TRPM8: variants seen among roughly 807,000 people sequenced by gnomAD.
TRPM8 encodes the protein TRPM8 cationic channel.
Under a neutral mutation model 133.7 loss-of-function variants are expected in TRPM8, and 110 were observed. The observed-to-expected ratio is 0.82, with a 90% CI of 0.70 to 0.96. TRPM8 has a LOEUF of 0.96. TRPM8 is among the 40% of genes least tolerant of loss of function. The pLI is 0.00. For missense variants in TRPM8, 1,291 were observed against 1,379.5 expected, an observed-to-expected ratio of 0.94 and a Z score of 1.02; for synonymous variants, 535 against 532.3, an observed-to-expected ratio of 1.01 and a Z score of -0.07.
Position 233,926,659 on chromosome 2 carries a change from G to A in TRPM8, c.117+5G>A. 1 of 1,605,616 alleles carries A rather than the reference G, an allele frequency of 6.2e-7. No homozygotes were observed. The highest frequency in any genetic ancestry group is 8.5e-7 in the Non-Finnish European group (1 of 1,172,280). On this transcript the variant is annotated splice_donor_5th_base_variant and intron_variant, in intron 2 of 25. Coordinates refer to ENST00000324695, the MANE Select transcript of TRPM8 (RefSeq NM_024080.5). ...GACTTGTCTTACAGTGAAAGCGTAAGTCATGCGCATCACCTGTTTGAAAGG... is the reference window on the plus strand; with the variant it reads ...GACTTGTCTTACAGTGAAAGCGTAAATCATGCGCATCACCTGTTTGAAAGG...
At chr2:233,918,421 A>G (rs1186672131) in intron 1 of TRPM8, among the ~76,000 whole-genome samples, 7 of 151,938 alleles carry the variant, frequency 4.6e-5, no homozygotes, top group Non-Finnish European at 1.0e-4. Context: ...TTGCCTAAGA[A>G]CTGATATCAT....
Position 233,929,003 on chromosome 2 carries a change from TTTTTTA to T in TRPM8, c.118-1659_118-1654del, listed in dbSNP as rs1430640974. ...TTTTTTGTGAGTTTCTTTTCTTTTT[TTTTTTA>T]TTTTTTTGCTCAAAACTGTTTTTGA... On this transcript the variant is annotated intron_variant, in intron 2 of 25. Coordinates refer to ENST00000324695, the MANE Select transcript of TRPM8 (RefSeq NM_024080.5). Among the ~76,000 whole-genome samples, 763 of 136,368 alleles carry T rather than the reference TTTTTTA, an allele frequency of 5.6e-3. 10 individuals are homozygous for T. The highest frequency in any genetic ancestry group is 0.021 in the African/African-American group (724 of 34,822). The allele number at this position is 136,368 out of a possible 152,430, so 89.5% of individuals were successfully genotyped here. A position where few individuals can be genotyped will look rare whatever the true frequency, so the allele number is the denominator to read the frequency against.
At chr2:233,957,522 A>G (rs768925350) in intron 11 of TRPM8, among the ~76,000 whole-genome samples, 8 of 152,190 alleles carry the variant, frequency 5.3e-5, no homozygotes, top group Non-Finnish European at 1.0e-4. Flanking sequence ...AAAACCCAAA[A>G]AACAAAAAAA....
chr2:233,959,770 G>T (rs1372141882), intron 11 of TRPM8, among the ~76,000 whole-genome samples: 1 of 151,902 alleles, frequency 6.6e-6, no homozygotes, highest in Non-Finnish European at 1.5e-5. Flanking sequence ...ACTGGGTTGT[G>T]TCTGAAGTAA....
At chr2:233,950,874 C>T (rs1407128117) in intron 9 of TRPM8, among the ~76,000 whole-genome samples, 1 of 152,202 alleles carries the variant, frequency 6.6e-6, no homozygotes, top group Non-Finnish European at 1.5e-5. Flanking sequence ...ATTCTCTAAA[C>T]ATTCATACCT....
intron 8 of TRPM8, among the ~76,000 whole-genome samples, chr2:233,948,090 T>G (rs535737091): frequency 6.6e-6 from 1 of 152,322 alleles, no homozygotes; most frequent in Non-Finnish European, 1.5e-5. Context: ...CTTTTACCCA[T>G]CCTATTTTAC....
At chr2:233,944,617 T>A (rs1441284182) in intron 6 of TRPM8, among the ~76,000 whole-genome samples, 1 of 152,180 alleles carries the variant, frequency 6.6e-6, no homozygotes, top group Non-Finnish European at 1.5e-5. Flanking sequence ...TCTAGAATGA[T>A]CTTTCAAAAA....
chr2:233,961,555 C>T (rs968705152), intron 12 of TRPM8, among the ~76,000 whole-genome samples: 6 of 151,724 alleles, frequency 4.0e-5, no homozygotes, highest in East Asian at 1.9e-4. Flanking sequence ...CTGTCCACCT[C>T]GGCCTCCCAA....
At chr2:233,964,792 G>C (rs28902176) in intron 14 of TRPM8, 35 bp downstream of exon 14, 2 of 1,567,512 alleles carry the variant, frequency 1.3e-6, no homozygotes, top group Non-Finnish European at 1.7e-6. Context: ...TGGTGGGCGC[G>C]GATCTGCCAT....
At chr2:233,968,891 G>C (rs985440233) in intron 15 of TRPM8, among the ~76,000 whole-genome samples, 1 of 151,988 alleles carries the variant, frequency 6.6e-6, no homozygotes, top group African/African-American at 2.4e-5. Context: ...ATGCATTTCA[G>C]CCTGAATTGA....
In TRPM8 at chr2:233,927,873, T is replaced by C. The variant is rs56339350; in HGVS notation, c.117+1219T>C. On this transcript the variant is annotated intron_variant, in intron 2 of 25. Coordinates refer to ENST00000324695, the MANE Select transcript of TRPM8 (RefSeq NM_024080.5). Reference sequence around the variant, plus strand: ...CTTCCTTTCTTTCTCTTTCTTTCTTTCTTTCTTTCTTTCTTTCTTTCTTTC... The same window carrying C: ...CTTCCTTTCTTTCTCTTTCTTTCTTCCTTTCTTTCTTTCTTTCTTTCTTTC... Among the ~76,000 whole-genome samples, 317 of 57,692 alleles carry C rather than the reference T, an allele frequency of 5.5e-3. 35 individuals carry two copies. In the African/African-American group the frequency reaches 0.063, roughly 11 times the overall value. The allele number at this position is 57,692 out of a possible 152,430, so 37.8% of individuals were successfully genotyped here.
intron 2 of TRPM8, among the ~76,000 whole-genome samples, chr2:233,927,217 G>C (rs1244514993): frequency 3.3e-5 from 5 of 152,162 alleles, no homozygotes; most frequent in Admixed American, 3.3e-4. Context: ...GTTAAAAGTC[G>C]GGATAGCGGC....
chr2:233,948,424 C>T (rs1466683501), intron 8 of TRPM8, among the ~76,000 whole-genome samples: 17 of 152,176 alleles, frequency 1.1e-4, no homozygotes, highest in Non-Finnish European at 5.9e-5. Context: ...TGCTCAAGGT[C>T]ATCACCAAGG....
intron 9 of TRPM8, among the ~76,000 whole-genome samples, chr2:233,951,032 C>A (rs1217071499): frequency 1.4e-5 from 2 of 144,740 alleles, no homozygotes; most frequent in Non-Finnish European, 3.0e-5. Context: ...GAGACCCCGT[C>A]CCTACAAACA....
chr2:233,957,328 C>A (rs1029229566), intron 11 of TRPM8, among the ~76,000 whole-genome samples: 4 of 146,330 alleles, frequency 2.7e-5, no homozygotes, highest in Non-Finnish European at 5.9e-5. Flanking sequence ...TCTGCCCCCC[C>A]CAAAAAAAAA....
At chr2:233,967,914 C>G (rs1463495171) in intron 15 of TRPM8, among the ~76,000 whole-genome samples, 1 of 152,060 alleles carries the variant, frequency 6.6e-6, no homozygotes, top group Non-Finnish European at 1.5e-5. Context: ...GGGAGTCTGG[C>G]TTTTACTCCT....
intron 1 of TRPM8, among the ~76,000 whole-genome samples, chr2:233,917,665 T>C (rs1015494393): frequency 6.6e-6 from 1 of 152,244 alleles, no homozygotes; most frequent in Non-Finnish European, 1.5e-5. Context: ...GTAGAATTAT[T>C]TGCTGAATTT....
At chr2:233,922,749 A>G (rs1298898138) in intron 1 of TRPM8, among the ~76,000 whole-genome samples, 2 of 152,248 alleles carry the variant, frequency 1.3e-5, no homozygotes, top group Non-Finnish European at 2.9e-5. Context: ...TCTTAAAAAA[A>G]TGTAAACACT....
intron 3 of TRPM8, among the ~76,000 whole-genome samples, chr2:233,936,255 C>T (rs1053837327): frequency 1.3e-5 from 2 of 152,150 alleles, no homozygotes; most frequent in Non-Finnish European, 2.9e-5. Context: ...TGAAGCTCAG[C>T]CCAGGGCTGA....
Sources: allele counts gnomAD v4.1 joint callset (sites outside exome capture counted in the v4.1 genomes callset), GRCh38; gene constraint gnomAD v4.1.1; transcripts MANE v1.5; gene names NCBI Gene and HGNC (gene_info 2026-07-23, HGNC 2026-07-21).